Variants in ZDHHC1 observed in about 807,000 individuals in gnomAD.
The protein encoded by ZDHHC1 is palmitoyltransferase ZDHHC1.
ZDHHC1 carries 45 observed loss-of-function variants against 46.9 expected under a neutral mutation model. The ratio of observed to expected loss-of-function variants is 0.96; its 90% CI spans 0.76 to 1.23. The LOEUF is 1.23. Among genes scored for constraint, ZDHHC1 ranks in the 50% most tolerant of loss-of-function variants. ZDHHC1 has a pLI of 0.00. For missense variants in ZDHHC1, 649 were observed against 670.8 expected (o/e 0.97, Z 0.36); for synonymous variants, 291 against 286.0 (o/e 1.02, Z -0.18).
chr16:67,402,658 G>A (rs565185781), intron 3 of ZDHHC1, among the ~76,000 whole-genome samples: 12 of 150,540 alleles, frequency 8.0e-5, no homozygotes, highest in South Asian at 6.3e-4. Context: ...ATGGAGTCTC[G>A]CTCTGTTGCC....
intron 9 of ZDHHC1, 88 bp downstream of exon 9, chr16:67,395,396 C>G: frequency 6.5e-7 from 1 of 1,534,796 alleles, no homozygotes; most frequent in Admixed American, 2.0e-5. Flanking sequence ...ACCCATGCCC[C>G]GACCTTAGCC....
intron 1 of ZDHHC1, among the ~76,000 whole-genome samples, 183 bp from the exon 2 acceptor site, chr16:67,407,996 C>T (rs946232940): frequency 6.6e-6 from 1 of 152,184 alleles, no homozygotes; most frequent in Non-Finnish European, 1.5e-5. Context: ...GACTGCCAGA[C>T]ACTCACTCCT....
Position 67,395,544 on chromosome 16 carries a change from G to T in ZDHHC1, c.950C>A (p.Thr317Asn). Residue 317 changes from threonine (T) to asparagine (N), a missense_variant, in exon 9 of 12, where the codon ACC becomes AAC. Coordinates refer to ENST00000565726, the MANE Select transcript of ZDHHC1 (RefSeq NM_001323627.2). ...GGGCTCTGGGCGCATATGTCTGAAG[G>T]TCCGCATGTAGAACTCCATCTCCTG... ...PIQEMEFYMR[T>N]FRHMRPEPPG... 1 of 1,554,522 alleles carries T rather than the reference G, an allele frequency of 6.4e-7. No individual in the cohort carries two copies. Among genetic ancestry groups the T allele is most frequent in the Non-Finnish European group, 8.7e-7 (1 of 1,148,360 alleles).
At chr16:67,404,587 C>A in intron 3 of ZDHHC1, 1 of 433,196 alleles carries the variant, frequency 2.3e-6, no homozygotes, top group South Asian at 1.6e-5. Context: ...GCAGACGAAC[C>A]CTGAATGCGG....
chr16:67,414,299 A>G (rs956073967), intron 1 of ZDHHC1, among the ~76,000 whole-genome samples: 12 of 152,232 alleles, frequency 7.9e-5, no homozygotes, highest in African/African-American at 2.9e-4. Context: ...CTGGCTAATT[A>G]AGCACCACTG....
At position 67,394,652 on chromosome 16, in the gene ZDHHC1, G is replaced by C; in HGVS notation, c.1407C>G (p.Gly469=). 1.6e-6 allele frequency: 2 copies of C among 1,221,952 alleles called. No individual in the cohort carries two copies. The highest frequency in any genetic ancestry group is 2.0e-6 in the Non-Finnish European group (2 of 982,614). The allele number at this position is 1,221,952 out of a possible 1,614,324, so 75.7% of individuals were successfully genotyped here. A position where few individuals can be genotyped will look rare whatever the true frequency, so the allele number is the denominator to read the frequency against. ...CCCGGCCGCCCGGCGCCCTGGGCTC[G>C]CCGCTGCTCGGGCTCACGAAAACGG... is the stretch of plus-strand genomic sequence containing the variant. ...APAVFVSPSS[G]EPRAPGGREA... The change falls in exon 12 of 12, where the codon GGC becomes GGG. Residue 469 remains glycine (G), a synonymous_variant. Transcript: ENST00000565726.
chr16:67,407,932 C>G lies in ZDHHC1; in HGVS notation c.-38-119G>C, dbSNP rs922695776. On this transcript the variant is annotated intron_variant, in intron 1 of 11. Coordinates refer to ENST00000565726, the MANE Select transcript of ZDHHC1 (RefSeq NM_001323627.2). ...CAGCCCTGCCCTCTTTCTGCAGGGT[C>G]GTGAACCCATGCCTCCCGCAGCCCA... 5.0e-5 allele frequency: 32 copies of G among 644,122 alleles called. No individual in the cohort carries two copies. The African/African-American group carries it at 5.2e-4, about 11-fold the overall frequency. 39.9% of individuals were successfully genotyped at this position (644,122 alleles called of 1,614,324 possible). A position where few individuals can be genotyped will look rare whatever the true frequency, so the allele number is the denominator to read the frequency against.
intron 3 of ZDHHC1, chr16:67,404,613 C>G: frequency 2.2e-6 from 1 of 448,252 alleles, no homozygotes; most frequent in Non-Finnish European, 4.5e-6. Flanking sequence ...AAGCCCTCAA[C>G]CCGCCCCTCT....
At chr16:67,396,537 A>G (rs1022993451) in intron 8 of ZDHHC1, among the ~76,000 whole-genome samples, 1 of 150,854 alleles carries the variant, frequency 6.6e-6, no homozygotes, top group Non-Finnish European at 1.5e-5. Flanking sequence ...ACGGCTCCAG[A>G]GAGGGGCCCC....
In ZDHHC1 at chr16:67,395,817, C is replaced by G. The variant is rs907188819; in HGVS notation, c.928-251G>C. ...CTGCCTCCTGCAGGAAGGCTCCCAGCCCCCATGGGTCTATAGGCCCAGTTT... is the reference window on the plus strand; with the variant it reads ...CTGCCTCCTGCAGGAAGGCTCCCAGGCCCCATGGGTCTATAGGCCCAGTTT... On this transcript the variant is annotated intron_variant, in intron 8 of 11. Coordinates refer to ENST00000565726, the MANE Select transcript of ZDHHC1 (RefSeq NM_001323627.2). 3 of 532,216 alleles carry G rather than the reference C, an allele frequency of 5.6e-6. No homozygotes were observed. In the African/African-American group the frequency reaches 5.7e-5, roughly 10 times the overall value. 33.0% of individuals were successfully genotyped at this position (532,216 alleles called of 1,614,324 possible). A position where few individuals can be genotyped will look rare whatever the true frequency, so the allele number is the denominator to read the frequency against.
intron 4 of ZDHHC1, 51 bp from the exon 5 acceptor site, chr16:67,399,507 C>A (rs375270831): frequency 6.7e-7 from 1 of 1,500,728 alleles, no homozygotes; most frequent in Non-Finnish European, 9.2e-7. Flanking sequence ...CCCCGCTCTG[C>A]GGCCCGGCCG....
chr16:67,409,471 G>A (rs2040716549), intron 1 of ZDHHC1, among the ~76,000 whole-genome samples: 4 of 152,362 alleles, frequency 2.6e-5, no homozygotes, highest in African/African-American at 9.6e-5. Context: ...AGCAGAGGCA[G>A]CATTCTGGTA....
intron 4 of ZDHHC1, among the ~76,000 whole-genome samples, chr16:67,400,188 G>A (rs888506343): frequency 1.4e-4 from 21 of 152,234 alleles, no homozygotes; most frequent in Non-Finnish European, 2.4e-4. Context: ...AGTCCTTGGC[G>A]CCTTAAGGCT....
Position 67,401,140 on chromosome 16 carries a change from A to T in ZDHHC1, c.253-8T>A. 1 of 1,613,074 alleles carries T rather than the reference A, an allele frequency of 6.2e-7. No homozygotes were observed. ...AAAGATGGCGCCCATGCACTGGCCCAGCAGGTTAAAGACTCACTCCACTCT... is the reference window on the plus strand; with the variant it reads ...AAAGATGGCGCCCATGCACTGGCCCTGCAGGTTAAAGACTCACTCCACTCT... On this transcript the variant is annotated splice_polypyrimidine_tract_variant and splice_region_variant and intron_variant, in intron 3 of 11. Coordinates refer to ENST00000565726, the MANE Select transcript of ZDHHC1 (RefSeq NM_001323627.2). This position sits in a 1 kb window ranked among gnomAD's most constrained non-coding sequence, Gnocchi z 4.6.
intron 8 of ZDHHC1, among the ~76,000 whole-genome samples, chr16:67,396,631 G>A (rs933589090): frequency 5.3e-5 from 8 of 152,168 alleles, no homozygotes; most frequent in African/African-American, 1.7e-4. Flanking sequence ...CAGCGGCCCC[G>A]CCCAACCTCT....
At chr16:67,404,795 C>T (rs1597543475) in intron 3 of ZDHHC1, 3 of 448,044 alleles carry the variant, frequency 6.7e-6, no homozygotes, top group Middle Eastern at 6.6e-4. Flanking sequence ...AAGTGGCTGA[C>T]GCAGGGCCTG....
At chr16:67,398,762 G>A (rs543887530) in intron 6 of ZDHHC1, 31 bp from the exon 7 acceptor site, 44 of 1,611,500 alleles carry the variant, frequency 2.7e-5, no homozygotes, top group South Asian at 2.1e-4. Flanking sequence ...GTGCTCAGCC[G>A]GGGACGTGAC....
chr16:67,397,028 C>A (rs920484420), intron 8 of ZDHHC1, among the ~76,000 whole-genome samples: 1 of 152,230 alleles, frequency 6.6e-6, no homozygotes, highest in Non-Finnish European at 1.5e-5. Context: ...CCTTCAAAAC[C>A]GTGTACATTC....
At chr16:67,399,562 C>A in intron 4 of ZDHHC1, 106 bp from the exon 5 acceptor site, 2 of 889,244 alleles carry the variant, frequency 2.2e-6, no homozygotes, top group Non-Finnish European at 3.3e-6. Flanking sequence ...AAGCGCCAGG[C>A]CTGAGACAGC....
Sources: gnomAD v4.1 joint callset for allele counts (sites outside exome capture counted in the v4.1 genomes callset) on GRCh38, gnomAD v4.1.1 for gene constraint, Gnocchi (gnomAD v3.1) non-coding constraint, MANE v1.5 for transcripts, NCBI Gene and HGNC (gene_info 2026-07-23, HGNC 2026-07-21) for gene names.